PTPRD: variants seen among roughly 807,000 people sequenced by gnomAD.
PTPRD encodes the protein protein tyrosine phosphatase receptor type D.
A neutral mutation model predicts 214.5 loss-of-function variants in PTPRD; 34 were observed. That is an observed-to-expected ratio of 0.16 (90% CI 0.12 to 0.21). The LOEUF is 0.21. PTPRD is among the 10% of genes least tolerant of loss of function. PTPRD has a pLI of 1.00. For missense variants in PTPRD, 2,545 were observed against 2,398.7 expected, an observed-to-expected ratio of 1.06 and a Z score of -1.27; for synonymous variants, 1,128 against 845.7, an observed-to-expected ratio of 1.33 and a Z score of -5.79.
intron 3 of PTPRD, among the ~76,000 whole-genome samples, chr9:10,234,628 C>T (rs939816105): frequency 7.9e-5 from 10 of 126,874 alleles, no homozygotes; most frequent in African/African-American, 2.5e-4. Flanking sequence ...TCTGGAAATG[C>T]ATTGCTAAAT....
chr9:9,670,070 T>C (rs895551526), intron 7 of PTPRD, among the ~76,000 whole-genome samples: 2 of 152,178 alleles, frequency 1.3e-5, no homozygotes, highest in Non-Finnish European at 2.9e-5. Context: ...TGGAGTAATA[T>C]TTGGCAGATA....
chr9:8,721,070 A>G lies in PTPRD; in HGVS notation c.64+12710T>C, dbSNP rs1482011942. 2.0e-5 allele frequency among the ~76,000 whole-genome samples: 3 copies of G among 147,318 alleles called. No individual in the cohort carries two copies. In the Admixed American group the frequency reaches 2.0e-4, roughly 10 times the overall value. On this transcript the variant is annotated intron_variant, in intron 12 of 45. Coordinates refer to ENST00000381196, the MANE Select transcript of PTPRD (RefSeq NM_002839.4). Reference sequence around the variant, plus strand: ...TTTTTTTTTTTTAATCTGAGAAGTGAGGAGGATAAAAATTATGTTGCCTAC... The same window carrying G: ...TTTTTTTTTTTTAATCTGAGAAGTGGGGAGGATAAAAATTATGTTGCCTAC...
intron 3 of PTPRD, among the ~76,000 whole-genome samples, chr9:10,213,040 T>C (rs2154342960): frequency 1.3e-5 from 2 of 152,312 alleles, no homozygotes; most frequent in South Asian, 4.1e-4. Context: ...AGCTATTAAA[T>C]GTATAACAAA....
chr9:10,162,632 T>G (rs1436493902), intron 3 of PTPRD, among the ~76,000 whole-genome samples: 1 of 148,618 alleles, frequency 6.7e-6, no homozygotes, highest in East Asian at 2.0e-4. Context: ...TATATACATG[T>G]ATATAAACAT....
chr9:8,880,070 G>C (rs2098429847), intron 11 of PTPRD, among the ~76,000 whole-genome samples: 1 of 152,178 alleles, frequency 6.6e-6, no homozygotes, highest in Non-Finnish European at 1.5e-5. Context: ...TGTGGGGTCT[G>C]AAATGTAGCC....
At chr9:9,062,657 T>G (rs1272557739) in intron 10 of PTPRD, among the ~76,000 whole-genome samples, 1 of 152,064 alleles carries the variant, frequency 6.6e-6, no homozygotes, top group African/African-American at 2.4e-5. Flanking sequence ...GCAGGAAGAG[T>G]TGAATGTATG....
intron 8 of PTPRD, among the ~76,000 whole-genome samples, chr9:9,539,065 A>C (rs2077063021): frequency 6.6e-6 from 1 of 151,896 alleles, no homozygotes; most frequent in Non-Finnish European, 1.5e-5. Flanking sequence ...GTTCTGCACA[A>C]GATAATTTCA....
intron 2 of PTPRD, among the ~76,000 whole-genome samples, chr9:10,558,006 A>G (rs912117135): frequency 2.6e-5 from 4 of 152,100 alleles, no homozygotes; most frequent in African/African-American, 9.7e-5. Context: ...TCTTAATACT[A>G]CTGGAACAAA....
chr9:8,844,078 A>G (rs1306455581), intron 11 of PTPRD, among the ~76,000 whole-genome samples: 4 of 152,316 alleles, frequency 2.6e-5, no homozygotes, highest in South Asian at 2.1e-4. Context: ...ATGGAAACAT[A>G]ATGTAATCTG....
intron 8 of PTPRD, among the ~76,000 whole-genome samples, chr9:9,473,015 T>A (rs368997228): frequency 6.6e-6 from 1 of 152,316 alleles, no homozygotes; most frequent in Admixed American, 6.5e-5. Flanking sequence ...AAAATATATA[T>A]GAAATTATTG....
intron 8 of PTPRD, among the ~76,000 whole-genome samples, chr9:9,440,453 C>T (rs961997025): frequency 1.4e-4 from 21 of 152,078 alleles, no homozygotes; most frequent in African/African-American, 3.6e-4. Context: ...AAAGAGACAA[C>T]AGTACAAAGA....
chr9:9,506,078 G>A (rs758280655), intron 8 of PTPRD, among the ~76,000 whole-genome samples: 33 of 151,470 alleles, frequency 2.2e-4, no homozygotes, highest in Admixed American at 6.6e-4. Flanking sequence ...ACATTCAAAT[G>A]TCTTTAAGTG....
chr9:9,718,110 CCTT>C (rs2097864648), intron 7 of PTPRD, among the ~76,000 whole-genome samples: 1 of 152,038 alleles, frequency 6.6e-6, no homozygotes. Context: ...TTACAAATAT[CCTT>C]CTTTAGTTTA....
At chr9:9,464,680 C>T (rs1050361783) in intron 8 of PTPRD, among the ~76,000 whole-genome samples, 17 of 152,056 alleles carry the variant, frequency 1.1e-4, no homozygotes, top group African/African-American at 4.1e-4. Flanking sequence ...AGTTGATTTC[C>T]ACCCCGGGAA....
chr9:9,256,904 C>T (rs1045465291), intron 9 of PTPRD, among the ~76,000 whole-genome samples: 2 of 151,922 alleles, frequency 1.3e-5, no homozygotes, highest in East Asian at 1.9e-4. Context: ...TCTGTATTTC[C>T]CTTCCAGGAA....
At chr9:8,501,947 G>A (rs2097419309) in intron 23 of PTPRD, among the ~76,000 whole-genome samples, 2 of 152,168 alleles carry the variant, frequency 1.3e-5, no homozygotes, top group African/African-American at 4.8e-5. Flanking sequence ...CAATAACACA[G>A]CCATTAAAAA....
intron 43 of PTPRD, among the ~76,000 whole-genome samples, chr9:8,336,288 G>C (rs1368622030): frequency 6.7e-6 from 1 of 148,848 alleles, no homozygotes; most frequent in East Asian, 1.9e-4. Context: ...GGCCTCAGAA[G>C]TAACGCCACA....
chr9:8,842,500 T>C (rs1348044001), intron 11 of PTPRD, among the ~76,000 whole-genome samples: 3 of 152,210 alleles, frequency 2.0e-5, no homozygotes, highest in Non-Finnish European at 4.4e-5. Flanking sequence ...TTGGTTTGTA[T>C]TTGATATGGC....
Position 9,879,758 on chromosome 9 carries a change from A to G in PTPRD, c.-368+58749T>C, listed in dbSNP as rs551264542. On this transcript the variant is annotated intron_variant, in intron 5 of 45. Transcript: ENST00000381196. ...GATCAGATCATCCCCAGAGATAAGA[A>G]GCTTGAAAGGGTGGAACATTTCTTG... Among the ~76,000 whole-genome samples, 43 of 152,264 alleles carry G rather than the reference A, an allele frequency of 2.8e-4. No homozygotes were observed. In the Middle Eastern group the frequency reaches 0.01, roughly 36 times the overall value.
Sources: allele counts gnomAD v4.1 joint callset (sites outside exome capture counted in the v4.1 genomes callset), GRCh38; gene constraint gnomAD v4.1.1; transcripts MANE v1.5; gene names NCBI Gene and HGNC (gene_info 2026-07-23, HGNC 2026-07-21).